The following UBE2O variants were observed in gnomAD, a reference collection of about 807,000 sequenced individuals.
UBE2O encodes the protein (E3-independent) E2 ubiquitin-conjugating enzyme.
UBE2O carries 15 observed loss-of-function variants against 125.8 expected under a neutral mutation model. The ratio of observed to expected loss-of-function variants is 0.12; its 90% CI spans 0.08 to 0.18. The LOEUF is 0.18. Ranked by LOEUF, UBE2O falls within the 10% of genes least tolerant of loss-of-function variation. UBE2O has a pLI of 1.00. For synonymous variants in UBE2O, 708 were observed against 703.2 expected, an observed-to-expected ratio of 1.01 and a Z score of -0.11; for missense variants, 1,280 against 1,723.6, an observed-to-expected ratio of 0.74 and a Z score of 4.56.
At chr17:76,417,576 C>T (rs1360846750) in intron 1 of UBE2O, among the ~76,000 whole-genome samples, 1 of 152,192 alleles carries the variant, frequency 6.6e-6, no homozygotes, top group Admixed American at 6.5e-5. Flanking sequence ...GACACACCCA[C>T]CACCAGTGAT....
rs937954935 is a variant in UBE2O, at chr17:76,399,960, C to A, written c.1156-39G>T. ...GCAGAGAGGACAGGGCTGTGAGGTGCACCTGGGCAGGCCTGGCCCTAGGCA... is the reference window on the plus strand; with the variant it reads ...GCAGAGAGGACAGGGCTGTGAGGTGAACCTGGGCAGGCCTGGCCCTAGGCA... On this transcript the variant is annotated intron_variant, in intron 8 of 17. Transcript: ENST00000319380. This position sits in a 1 kb window ranked among gnomAD's most constrained non-coding sequence, Gnocchi z 6.9. 17 of 1,564,838 alleles carry A rather than the reference C, an allele frequency of 1.1e-5. No homozygotes were observed. Among genetic ancestry groups the A allele is most frequent in the Non-Finnish European group, 1.5e-5 (17 of 1,155,146 alleles).
chr17:76,430,666 AGAT>A (rs1184470416), intron 1 of UBE2O: 2 of 324,214 alleles, frequency 6.2e-6, no homozygotes, highest in Non-Finnish European at 1.3e-5. Context: ...CCATGCTTGT[AGAT>A]GAGTTTATTT....
chr17:76,435,516 T>TC (rs937568833), intron 1 of UBE2O, among the ~76,000 whole-genome samples: 1 of 150,888 alleles, frequency 6.6e-6, no homozygotes, highest in African/African-American at 2.4e-5. Flanking sequence ...TTCGCAATAT[T>TC]CCCCCCGTTT....
chr17:76,449,277 TA>T (rs1026451261), intron 1 of UBE2O, among the ~76,000 whole-genome samples: 14 of 152,232 alleles, frequency 9.2e-5, no homozygotes, highest in African/African-American at 3.4e-4. Context: ...TAGATACTAC[TA>T]AAAAATTTCA....
chr17:76,398,105 T>C lies in UBE2O; in HGVS notation c.2025+150A>G. 3 of 1,161,772 alleles carry C rather than the reference T, an allele frequency of 2.6e-6. No individual in the cohort carries two copies. Among genetic ancestry groups the C allele is most frequent in the South Asian group, 1.4e-5 (1 of 69,688 alleles). 72.0% of individuals were successfully genotyped at this position (1,161,772 alleles called of 1,614,324 possible). On this transcript the variant is annotated intron_variant, in intron 12 of 17. Coordinates refer to ENST00000319380, the MANE Select transcript of UBE2O (RefSeq NM_022066.4). The surrounding 1 kb of genome is among the most constrained non-coding windows in gnomAD (Gnocchi z 5.4). ...GCAGCTGCTAGTGCTGAGCGGCAGC[T>C]TGACTCTGGGGCAGCTGCCCTTCTG...
intron 1 of UBE2O, among the ~76,000 whole-genome samples, chr17:76,438,211 G>C (rs2073028346): frequency 6.6e-6 from 1 of 152,116 alleles, no homozygotes; most frequent in Admixed American, 6.5e-5. Flanking sequence ...TTATTTAATT[G>C]AGACAGAGTT....
intron 1 of UBE2O, among the ~76,000 whole-genome samples, chr17:76,434,936 G>A (rs375726164): frequency 3.3e-5 from 5 of 152,036 alleles, no homozygotes; most frequent in African/African-American, 7.3e-5. Context: ...GGGCTCGGGC[G>A]CGCCCATCCA....
Position 76,396,900 on chromosome 17 carries a change from C to T in UBE2O, c.2116-79G>A. On this transcript the variant is annotated intron_variant, in intron 13 of 17. Coordinates refer to ENST00000319380, the MANE Select transcript of UBE2O (RefSeq NM_022066.4). This position sits in a 1 kb window ranked among gnomAD's most constrained non-coding sequence, Gnocchi z 6.7. The stretch of plus-strand genomic sequence containing the variant: ...CACTAAGGAGGAGCTCTGGGGATCC[C>T]TGATCCGCACAGCTGATGGCGACTG... The T allele has an allele frequency of 7.9e-7, 1 of 1,266,908 alleles. No homozygotes were observed. The highest frequency in any genetic ancestry group is 1.1e-6 in the Non-Finnish European group (1 of 917,104). The allele number at this position is 1,266,908 out of a possible 1,614,324, so 78.5% of individuals were successfully genotyped here.
rs200705112 is a variant in UBE2O, at chr17:76,394,880, A to ATT, written c.2946+843_2946+844dup. On this transcript the variant is annotated intron_variant, in intron 15 of 17. Coordinates refer to ENST00000319380, the MANE Select transcript of UBE2O (RefSeq NM_022066.4). ...TCATAATATAATTAATTTCAAAGTA[A>ATT]TTTTTTTTTTTTTGAGATGAAGTCT... is the stretch of plus-strand genomic sequence containing the variant. Among the ~76,000 whole-genome samples the ATT allele has an allele frequency of 4.9e-4, 73 of 148,144 alleles. 1 individual carries two copies. Among genetic ancestry groups the ATT allele is most frequent in the African/African-American group, 1.4e-3 (55 of 40,434 alleles).
At chr17:76,431,710 G>C (rs2072910880) in intron 1 of UBE2O, among the ~76,000 whole-genome samples, 1 of 152,192 alleles carries the variant, frequency 6.6e-6, no homozygotes, top group African/African-American at 2.4e-5. Context: ...GGGAAGCCCA[G>C]CGGGGGGGAC....
In UBE2O at chr17:76,404,528, C is replaced by T. The variant is rs1271860842; in HGVS notation, c.588+678G>A. ...ATGACAACTCAATGCAAGATGTGTT[C>T]CTGAATTGGGTCCTGGATCCGCAAA... On this transcript the variant is annotated intron_variant, in intron 3 of 17. Transcript: ENST00000319380. The surrounding 1 kb of genome is among the most constrained non-coding windows in gnomAD (Gnocchi z 4.3). 2.0e-5 allele frequency among the ~76,000 whole-genome samples: 3 copies of T among 152,138 alleles called. No individual in the cohort carries two copies. The highest frequency in any genetic ancestry group is 3.8e-4 in the East Asian group (2 of 5,202).
rs1391001057 is a variant in UBE2O at position 76,405,531 on chromosome 17, G to A, written c.459C>T (p.Val153=). The change falls in exon 2 of 18, where the codon GTC becomes GTT. Residue 153 remains valine, a synonymous_variant. Coordinates refer to ENST00000319380, the MANE Select transcript of UBE2O (RefSeq NM_022066.4). The surrounding 1 kb of genome is among the most constrained non-coding windows in gnomAD (Gnocchi z 6.1). ...GACTCACGGTGGATCGCATGTGCCG[G>A]ACCACATCTCGGGGCACCACAGAAC... ...EDRSVVPRDV[V]RHMRSTDSQC... 6.9e-6 allele frequency: 11 copies of A among 1,598,912 alleles called. No homozygotes were observed. Among genetic ancestry groups the A allele is most frequent in the Non-Finnish European group, 9.4e-6 (11 of 1,174,620 alleles).
intron 1 of UBE2O, among the ~76,000 whole-genome samples, chr17:76,425,831 G>A (rs913789287): frequency 6.6e-6 from 1 of 151,986 alleles, no homozygotes; most frequent in Admixed American, 6.5e-5. Flanking sequence ...TTTTCTTGTC[G>A]ATCTCTCTCC....
At chr17:76,437,464 A>G (rs1009995407) in intron 1 of UBE2O, among the ~76,000 whole-genome samples, 30 of 151,686 alleles carry the variant, frequency 2.0e-4, no homozygotes, top group African/African-American at 6.1e-4. Context: ...AAAAAAAAAA[A>G]GAAAAAGAAA....
chr17:76,398,719 C>G lies in UBE2O; in HGVS notation c.1783+118G>C. 33 of 1,473,998 alleles carry G rather than the reference C, an allele frequency of 2.2e-5. 1 individual carries two copies. Among genetic ancestry groups the G allele is most frequent in the Non-Finnish European group, 3.1e-5 (33 of 1,075,128 alleles). The allele number at this position is 1,473,998 out of a possible 1,614,324, so 91.3% of individuals were successfully genotyped here. A position where few individuals can be genotyped will look rare whatever the true frequency, so the allele number is the denominator to read the frequency against. On this transcript the variant is annotated intron_variant, in intron 10 of 17. Transcript: ENST00000319380. This position sits in a 1 kb window ranked among gnomAD's most constrained non-coding sequence, Gnocchi z 5.4. ...GGTGAGACCCCTTCATGAGGGCAGT[C>G]CCCTTCTGGACCTCATTTTAGCTCT...
chr17:76,407,796 G>A (rs1337515568), intron 1 of UBE2O, among the ~76,000 whole-genome samples: 1 of 152,222 alleles, frequency 6.6e-6, no homozygotes, highest in African/African-American at 2.4e-5. Flanking sequence ...GAGGCTGGCA[G>A]CAAATGCCAT....
chr17:76,424,867 T>A (rs940399641), intron 1 of UBE2O, among the ~76,000 whole-genome samples: 5 of 151,232 alleles, frequency 3.3e-5, no homozygotes, highest in Non-Finnish European at 7.4e-5. Context: ...TTTTTTATTT[T>A]TTATTTTTTT....
At position 76,402,702 on chromosome 17, in the gene UBE2O, G is replaced by A. The variant is rs1372061610; in HGVS notation, c.589-3C>T. On this transcript the variant is annotated splice_polypyrimidine_tract_variant and splice_region_variant and intron_variant, in intron 3 of 17. Coordinates refer to ENST00000319380, the MANE Select transcript of UBE2O (RefSeq NM_022066.4). The surrounding 1 kb of genome is among the most constrained non-coding windows in gnomAD (Gnocchi z 5.4). ...ATGTAGTCCCCATACATGAAGGGCT[G>A]CAGACCAAGGAGGCAGGGGCAGTGA... is the stretch of plus-strand genomic sequence containing the variant. The A allele has an allele frequency of 5.0e-6, 8 of 1,613,226 alleles. No individual in the cohort carries two copies. The highest frequency in any genetic ancestry group is 2.7e-5 in the African/African-American group (2 of 74,904).
At position 76,405,718 on chromosome 17, in the gene UBE2O, C is replaced by G. The variant is rs1002233329; in HGVS notation, c.418-146G>C. On this transcript the variant is annotated intron_variant, in intron 1 of 17. Coordinates refer to ENST00000319380, the MANE Select transcript of UBE2O (RefSeq NM_022066.4). The surrounding 1 kb of genome is among the most constrained non-coding windows in gnomAD (Gnocchi z 6.1). Reference sequence around the variant, plus strand: ...TTTGGCTAGCAGTATCTTCACAGACCGCACACACCTCCGACCAGCACCCAG... The same window carrying G: ...TTTGGCTAGCAGTATCTTCACAGACGGCACACACCTCCGACCAGCACCCAG... 1 of 730,208 alleles carries G rather than the reference C, an allele frequency of 1.4e-6. No homozygotes were observed. Among genetic ancestry groups the G allele is most frequent in the South Asian group, 1.7e-5 (1 of 57,892 alleles). 45.2% of individuals were successfully genotyped at this position (730,208 alleles called of 1,614,324 possible).
Sources: allele counts gnomAD v4.1 joint callset (sites outside exome capture counted in the v4.1 genomes callset), GRCh38; gene constraint gnomAD v4.1.1; non-coding constraint Gnocchi (gnomAD v3.1); transcripts MANE v1.5; gene names NCBI Gene and HGNC (gene_info 2026-07-23, HGNC 2026-07-21).